The following MGAT5 variants were observed in gnomAD, a reference collection of about 807,000 sequenced individuals.
MGAT5 encodes the protein alpha-1,6-mannosylglycoprotein 6-beta-N-acetylglucosaminyltransferase.
A neutral mutation model predicts 94.3 loss-of-function variants in MGAT5; 30 were observed. The ratio of observed to expected loss-of-function variants is 0.32; its 90% CI spans 0.24 to 0.43. The LOEUF is 0.43. Ranked by LOEUF, MGAT5 falls within the 20% of genes least tolerant of loss-of-function variation. MGAT5 has a pLI of 1.00. For missense variants in MGAT5, 691 were observed against 905.5 expected (o/e 0.76, Z 3.04); for synonymous variants, 310 against 322.9 (o/e 0.96, Z 0.43).
At chr2:134,381,883 T>C (rs1451638865) in intron 10 of MGAT5, among the ~76,000 whole-genome samples, 1 of 152,220 alleles carries the variant, frequency 6.6e-6, no homozygotes, top group Non-Finnish European at 1.5e-5. Context: ...TGCTTAAGCA[T>C]GAACATAGGT....
intron 4 of MGAT5, among the ~76,000 whole-genome samples, chr2:134,329,555 G>T (rs988638073): frequency 6.6e-6 from 1 of 152,096 alleles, no homozygotes; most frequent in Non-Finnish European, 1.5e-5. Context: ...CAAAAGTTTA[G>T]CCAATGTGCT....
At chr2:134,130,772 A>C (rs1469837316) in intron 1 of MGAT5, among the ~76,000 whole-genome samples, 1 of 151,936 alleles carries the variant, frequency 6.6e-6, no homozygotes, top group Non-Finnish European at 1.5e-5. Context: ...AAAATGCACC[A>C]ATCAGCACTC....
chr2:134,381,571 G>T, intron 10 of MGAT5, among the ~76,000 whole-genome samples: 1 of 88,844 alleles, frequency 1.1e-5, no homozygotes, highest in African/African-American at 2.9e-5. Flanking sequence ...CTACAGCCTG[G>T]GCAACATAGC....
At chr2:134,267,617 G>A (rs1683797390) in intron 1 of MGAT5, among the ~76,000 whole-genome samples, 1 of 152,094 alleles carries the variant, frequency 6.6e-6, no homozygotes, top group African/African-American at 2.4e-5. Context: ...GAGAATTGAG[G>A]GAGAATATCT....
intron 12 of MGAT5, among the ~76,000 whole-genome samples, chr2:134,418,711 A>G (rs1320364131): frequency 1.3e-5 from 2 of 152,202 alleles, no homozygotes; most frequent in Non-Finnish European, 2.9e-5. Flanking sequence ...TGCGAAGGGG[A>G]TAGTGGAGGA....
At chr2:134,341,790 A>G in intron 7 of MGAT5, 31 bp downstream of exon 7, 1 of 1,568,504 alleles carries the variant, frequency 6.4e-7, no homozygotes, top group African/African-American at 1.4e-5. Context: ...TTTTAAAATC[A>G]GAATACAAAA....
chr2:134,120,522 T>C (rs1375444474), intron 1 of MGAT5, among the ~76,000 whole-genome samples: 1 of 151,500 alleles, frequency 6.6e-6, no homozygotes, highest in African/African-American at 2.4e-5. Flanking sequence ...GAGACGCGCC[T>C]TGAGAAGCCC....
intron 2 of MGAT5, among the ~76,000 whole-genome samples, chr2:134,315,052 T>C (rs1268001573): frequency 6.6e-6 from 1 of 152,182 alleles, no homozygotes; most frequent in African/African-American, 2.4e-5. Context: ...TGCTGACCCT[T>C]AACTTTATTC....
intron 1 of MGAT5, among the ~76,000 whole-genome samples, chr2:134,162,167 G>A (rs868493213): frequency 7.2e-5 from 11 of 152,020 alleles, no homozygotes; most frequent in South Asian, 4.2e-4. Flanking sequence ...TGCAGCCTGG[G>A]TGACAGAGCA....
intron 1 of MGAT5, among the ~76,000 whole-genome samples, chr2:134,190,496 C>T (rs959433242): frequency 1.3e-5 from 2 of 152,190 alleles, no homozygotes; most frequent in Non-Finnish European, 2.9e-5. Flanking sequence ...TCCCAGCTCC[C>T]TTCCCCACCA....
At chr2:134,217,526 A>G (rs1303041532) in intron 1 of MGAT5, among the ~76,000 whole-genome samples, 8 of 152,194 alleles carry the variant, frequency 5.3e-5, no homozygotes, top group South Asian at 4.1e-4. Flanking sequence ...GAAATACATC[A>G]TGGAAAGACA....
At chr2:134,401,387 G>A (rs1683046122) in intron 10 of MGAT5, among the ~76,000 whole-genome samples, 1 of 152,090 alleles carries the variant, frequency 6.6e-6, no homozygotes, top group Non-Finnish European at 1.5e-5. Flanking sequence ...CATCTGGTTG[G>A]CTCCCCTTGC....
rs983452444 is a variant in MGAT5 at position 134,374,426 on chromosome 2, A to G, written c.1380+12018A>G. Among the ~76,000 whole-genome samples the G allele has an allele frequency of 7.2e-5, 11 of 152,234 alleles. No individual in the cohort carries two copies. In the East Asian group the frequency reaches 9.6e-4, roughly 13 times the overall value. On this transcript the variant is annotated intron_variant, in intron 10 of 15. Coordinates refer to ENST00000281923, the MANE Select transcript of MGAT5 (RefSeq NM_002410.5). ...GAACAGAGCTTGTTGATGGAGTTTT[A>G]TATAAAAAACACAGATTGGGAGCAG...
chr2:134,141,700 G>A (rs1686663238), intron 1 of MGAT5, among the ~76,000 whole-genome samples: 1 of 152,240 alleles, frequency 6.6e-6, no homozygotes, highest in East Asian at 1.9e-4. Flanking sequence ...ACTGAGCCTT[G>A]AAAGATATGC....
chr2:134,190,828 T>C (rs541180412), intron 1 of MGAT5, among the ~76,000 whole-genome samples: 1 of 152,162 alleles, frequency 6.6e-6, no homozygotes, highest in Non-Finnish European at 1.5e-5. Flanking sequence ...GTATTTTTTT[T>C]AATAGAGATG....
intron 2 of MGAT5, among the ~76,000 whole-genome samples, chr2:134,288,271 A>G (rs1317952676): frequency 6.6e-6 from 1 of 152,248 alleles, no homozygotes; most frequent in Non-Finnish European, 1.5e-5. Flanking sequence ...ATGGCCATTC[A>G]AGACCTGTTT....
chr2:134,386,604 T>G (rs1681996330), intron 10 of MGAT5, among the ~76,000 whole-genome samples: 2 of 152,214 alleles, frequency 1.3e-5, no homozygotes, highest in Admixed American at 6.5e-5. Context: ...CATTAGGGCC[T>G]CAATTCACTT....
chr2:134,265,366 C>G (rs1193612766), intron 1 of MGAT5, among the ~76,000 whole-genome samples: 2 of 152,192 alleles, frequency 1.3e-5, no homozygotes, highest in Non-Finnish European at 2.9e-5. Flanking sequence ...GCAGTTATAG[C>G]TCCTTGGCTG....
At chr2:134,255,915 GAAAAAAACTTGTTTTT>G (rs1682935087) in intron 1 of MGAT5, among the ~76,000 whole-genome samples, 1 of 152,000 alleles carries the variant, frequency 6.6e-6, no homozygotes, top group Non-Finnish European at 1.5e-5. Context: ...TCCAAAAGGG[GAAAAAAACTTGTTTTT>G]AAAAAAGTAT....
Sources: allele counts gnomAD v4.1 joint callset (sites outside exome capture counted in the v4.1 genomes callset), GRCh38; gene constraint gnomAD v4.1.1; transcripts MANE v1.5; gene names NCBI Gene and HGNC (gene_info 2026-07-23, HGNC 2026-07-21).